The following IL1RAPL2 variants were observed in gnomAD, a reference collection of about 807,000 sequenced individuals.
The protein encoded by IL1RAPL2 is interleukin 1 receptor accessory protein like 2.
In IL1RAPL2, 3 loss-of-function variants were observed where a neutral mutation model predicts 44.1. The observed-to-expected ratio is 0.07, with a 90% confidence interval of 0.03 to 0.18. IL1RAPL2 has a LOEUF of 0.18. Ranked by LOEUF, IL1RAPL2 falls within the 10% of genes least tolerant of loss-of-function variation. IL1RAPL2 has a pLI of 1.00. For missense variants in IL1RAPL2, 391 were observed against 496.4 expected, an observed-to-expected ratio of 0.79 and a Z score of 2.02; for synonymous variants, 181 against 178.8, an observed-to-expected ratio of 1.01 and a Z score of -0.10.
chrX:104,995,252 A>G (rs755682120), intron 2 of IL1RAPL2, among the ~76,000 whole-genome samples: 1 of 111,612 alleles, frequency 9.0e-6, no homozygotes, highest in Non-Finnish European at 1.9e-5. Flanking sequence ...TTGGTGTTTA[A>G]TATAAGCACC....
chrX:105,038,133 C>T (rs1294247957), intron 2 of IL1RAPL2, among the ~76,000 whole-genome samples: 1 of 111,309 alleles, frequency 9.0e-6, no homozygotes. Context: ...TAGATCCACC[C>T]ACAGCATCAG....
At chrX:105,470,450 T>C (rs2036158897) in intron 5 of IL1RAPL2, among the ~76,000 whole-genome samples, 1 of 112,041 alleles carries the variant, frequency 8.9e-6, no homozygotes, top group South Asian at 3.7e-4. Context: ...TAAGTTGCTT[T>C]TAGACTATCT....
At chrX:105,460,078 T>C (rs775429887) in intron 5 of IL1RAPL2, among the ~76,000 whole-genome samples, 3 of 111,171 alleles carry the variant, frequency 2.7e-5, no homozygotes, top group South Asian at 7.5e-4. Context: ...GCACCTATCT[T>C]GACAAAATTG....
chrX:104,569,797 C>T (rs1006000019), intron 1 of IL1RAPL2, among the ~76,000 whole-genome samples: 1 of 112,217 alleles, frequency 8.9e-6, no homozygotes, highest in East Asian at 2.8e-4. Flanking sequence ...TTGAAATGAT[C>T]GTATACTTTG....
intron 2 of IL1RAPL2, among the ~76,000 whole-genome samples, chrX:104,842,831 C>T (rs1921946375): frequency 8.9e-6 from 1 of 112,569 alleles, no homozygotes; most frequent in African/African-American, 3.2e-5. Flanking sequence ...TCTGTCCACC[C>T]CTGTTGGGAG....
intron 5 of IL1RAPL2, among the ~76,000 whole-genome samples, chrX:105,272,108 A>G (rs1211251322): frequency 1.2e-5 from 1 of 85,470 alleles, no homozygotes; most frequent in African/African-American, 4.5e-5. Context: ...CAGGAAGGGG[A>G]ATATCACACT....
At chrX:104,875,636 T>C (rs1435234342) in intron 2 of IL1RAPL2, among the ~76,000 whole-genome samples, 1 of 111,658 alleles carries the variant, frequency 9.0e-6, no homozygotes, top group East Asian at 2.8e-4. Flanking sequence ...CCCACAGATA[T>C]ATGCATTCCT....
At chrX:104,702,526 CTGAT>C (rs1237107224) in intron 2 of IL1RAPL2, among the ~76,000 whole-genome samples, 2 of 112,384 alleles carry the variant, frequency 1.8e-5, no homozygotes, top group East Asian at 2.8e-4. Context: ...TTCAGACTGA[CTGAT>C]TAAGGCTGTC....
chrX:104,921,989 C>T (rs1404846403), intron 2 of IL1RAPL2, among the ~76,000 whole-genome samples: 1 of 112,189 alleles, frequency 8.9e-6, no homozygotes, highest in East Asian at 2.8e-4. Context: ...GAGGCGCCGC[C>T]ACCCCCCACT....
chrX:105,399,515 C>T (rs1361174264), intron 5 of IL1RAPL2, among the ~76,000 whole-genome samples: 2 of 110,638 alleles, frequency 1.8e-5, no homozygotes, highest in African/African-American at 6.6e-5. Flanking sequence ...TGTCTGTGTC[C>T]CCCATATTGA....
intron 2 of IL1RAPL2, among the ~76,000 whole-genome samples, chrX:105,019,537 C>G (rs1048276422): frequency 9.0e-6 from 1 of 111,680 alleles, no homozygotes; most frequent in African/African-American, 3.2e-5. Context: ...AATAGATACT[C>G]TGTTCTTGAA....
intron 2 of IL1RAPL2, among the ~76,000 whole-genome samples, chrX:104,794,165 T>C (rs1932838612): frequency 1.8e-5 from 2 of 112,186 alleles, no homozygotes; most frequent in Admixed American, 1.9e-4. Context: ...TGTGAAAGCA[T>C]ACAGAAACAT....
At chrX:105,411,770 A>G (rs2035697716) in intron 5 of IL1RAPL2, among the ~76,000 whole-genome samples, 1 of 111,814 alleles carries the variant, frequency 8.9e-6, no homozygotes, top group Admixed American at 9.5e-5. Flanking sequence ...CAACAAAGAA[A>G]CGTTGAACTT....
At chrX:105,221,190 G>T (rs2033959219) in intron 3 of IL1RAPL2, among the ~76,000 whole-genome samples, 1 of 111,394 alleles carries the variant, frequency 9.0e-6, no homozygotes, top group Non-Finnish European at 1.9e-5. Flanking sequence ...AATAATACCT[G>T]AAGAAATGAC....
chrX:105,728,354 A>AAAT (rs1470769549), intron 7 of IL1RAPL2, among the ~76,000 whole-genome samples: 1 of 111,403 alleles, frequency 9.0e-6, no homozygotes, highest in Admixed American at 9.5e-5. Flanking sequence ...TTTCATGACA[A>AAAT]AATACTTTAA....
intron 3 of IL1RAPL2, among the ~76,000 whole-genome samples, chrX:105,202,738 T>G (rs2033728126): frequency 9.0e-6 from 1 of 111,560 alleles, no homozygotes; most frequent in East Asian, 2.8e-4. Context: ...ACCCTCTTGA[T>G]TCTCTTAACC....
chrX:105,126,046 T>G (rs938405579), intron 2 of IL1RAPL2, among the ~76,000 whole-genome samples: 7 of 111,352 alleles, frequency 6.3e-5, no homozygotes, highest in African/African-American at 2.0e-4. Flanking sequence ...AGTACCCCTC[T>G]GTAATGGCAG....
At chrX:105,332,315 T>C (rs2034993229) in intron 5 of IL1RAPL2, among the ~76,000 whole-genome samples, 1 of 110,306 alleles carries the variant, frequency 9.1e-6, no homozygotes, top group South Asian at 3.9e-4. Context: ...TTTGGATTGC[T>C]ATGGTGATTC....
intron 2 of IL1RAPL2, among the ~76,000 whole-genome samples, chrX:104,939,277 G>A (rs1326507241): frequency 1.8e-5 from 2 of 110,318 alleles, no homozygotes; most frequent in African/African-American, 3.3e-5. Context: ...GGGTGGTCTC[G>A]AACTCCTGAC....
Sources: allele counts gnomAD v4.1 joint callset (sites outside exome capture counted in the v4.1 genomes callset), GRCh38; gene constraint gnomAD v4.1.1; transcripts MANE v1.5; gene names NCBI Gene and HGNC (gene_info 2026-07-23, HGNC 2026-07-21).